The following USP6 variants were observed in gnomAD, a reference collection of about 807,000 sequenced individuals.
The protein encoded by USP6 is ubiquitin carboxyl-terminal hydrolase 6.
A neutral mutation model predicts 175.7 loss-of-function variants in USP6; 128 were observed. The observed-to-expected ratio is 0.73, with a 90% CI of 0.63 to 0.84. The LOEUF is 0.84. Among genes scored for constraint, USP6 ranks in the 40% least tolerant of loss-of-function variants. The pLI is 0.00. For missense variants in USP6, 1,498 were observed against 1,760.3 expected (o/e 0.85, Z 2.67); for synonymous variants, 562 against 630.6 (o/e 0.89, Z 1.63).
At chr17:5,133,151 G>A (rs543805873) in intron 13 of USP6, among the ~76,000 whole-genome samples, 161 bp downstream of exon 13, 3 of 152,264 alleles carry the variant, frequency 2.0e-5, no homozygotes, top group South Asian at 2.1e-4. Flanking sequence ...CTGCCTATTC[G>A]TGCAAGTGTC....
rs1471977483 is a variant in USP6 at position 5,168,138 on chromosome 17, T to C, written c.3228+15T>C. 1 of 1,576,340 alleles carries C rather than the reference T, an allele frequency of 6.3e-7. No homozygotes were observed. The highest frequency in any genetic ancestry group is 2.3e-5 in the East Asian group (1 of 44,228). ...CACCCTTCCTGGTATGTTACGGTCC[T>C]GCCTCTGAGAGAGCAGGAATCTAGC... On this transcript the variant is annotated intron_variant, in intron 34 of 37. Coordinates refer to ENST00000574788, the MANE Select transcript of USP6 (RefSeq NM_001304284.2).
intron 35 of USP6, among the ~76,000 whole-genome samples, chr17:5,169,585 G>C (rs2074169174): frequency 6.6e-6 from 1 of 152,072 alleles, no homozygotes; most frequent in African/African-American, 2.4e-5. Context: ...GGGACTACAG[G>C]CATGCACCAC....
Position 5,170,616 on chromosome 17 carries a change from T to C in USP6, c.3655T>C (p.Ser1219Pro), listed in dbSNP as rs1192320274. 6.2e-7 allele frequency: 1 copy of C among 1,613,488 alleles called. No homozygotes were observed. Among genetic ancestry groups the C allele is most frequent in the East Asian group, 2.2e-5 (1 of 44,886 alleles). ...LPQIGSKNKP[S>P]SSKKNLDASK... The stretch of plus-strand genomic sequence containing the variant: ...CCAGATTGGCAGCAAAAATAAGCCG[T>C]CAAGTAGTAAGAAGAACTTGGATGC... The change falls in exon 36 of 38, where the codon TCA becomes CCA. Residue 1219 changes from serine to proline, a missense_variant. Ser to Pro is a moderately conservative substitution (Grantham distance 74). Coordinates refer to ENST00000574788, the MANE Select transcript of USP6 (RefSeq NM_001304284.2).
chr17:5,136,686 A>G lies in USP6; in HGVS notation c.711A>G (p.Gln237=), dbSNP rs1345338631. The change falls in exon 18 of 38, where the codon CAA becomes CAG. Residue 237 remains glutamine, a synonymous_variant. Coordinates refer to ENST00000574788, the MANE Select transcript of USP6 (RefSeq NM_001304284.2). ...GGACAGTCCAGGGGCTCCAAGACCA[A>G]CAGGAGCATGTGGTACCCAAGTCAC... The part of the protein sequence containing the change: ...NGGTVQGLQD[Q]QEHVVPKSQP... 6.2e-7 allele frequency: 1 copy of G among 1,612,068 alleles called. No individual in the cohort carries two copies. Among genetic ancestry groups the G allele is most frequent in the Non-Finnish European group, 8.5e-7 (1 of 1,179,766 alleles).
At position 5,132,805 on chromosome 17, in the gene USP6, T is replaced by G; in HGVS notation, c.196-105T>G. On this transcript the variant is annotated intron_variant, in intron 12 of 37. Coordinates refer to ENST00000574788, the MANE Select transcript of USP6 (RefSeq NM_001304284.2). This position sits in a 1 kb window ranked among gnomAD's most constrained non-coding sequence, Gnocchi z 4.7. ...TTAGGGTCTGCCCTTCCCTGGCTCC[T>G]TCCAGTTGGGTCCCACCAGGGCTCC... The G allele has an allele frequency of 7.2e-7, 1 of 1,386,404 alleles. No homozygotes were observed. 85.9% of individuals were successfully genotyped at this position (1,386,404 alleles called of 1,614,324 possible). A position where few individuals can be genotyped will look rare whatever the true frequency, so the allele number is the denominator to read the frequency against.
chr17:5,158,580 G>GGAGAGAGA (rs772325537), intron 31 of USP6, among the ~76,000 whole-genome samples: 1 of 104,168 alleles, frequency 9.6e-6, no homozygotes, highest in Non-Finnish European at 1.8e-5. Context: ...AGAGAGAGAG[G>GGAGAGAGA]GAGAGAGAGA....
At chr17:5,162,303 C>G (rs1306396225) in intron 32 of USP6, among the ~76,000 whole-genome samples, 2 of 152,016 alleles carry the variant, frequency 1.3e-5, no homozygotes, top group African/African-American at 4.8e-5. Flanking sequence ...AGTTGCACAC[C>G]ACTGTACCCA....
At position 5,132,990 on chromosome 17, in the gene USP6, A is replaced by G. The variant is rs7207898; in HGVS notation, c.276A>G (p.Lys92=). ...GGGAGACATATAAGCACAGTAGCAA[A>G]GTAATGTGTGGAGGGAGAGGCCCCT... ...GEWETYKHSS[K]LIDRVYKGIP... is the part of the protein sequence containing the mutation. Residue 92 remains lysine (K), a splice_region_variant and synonymous_variant, in exon 13 of 38, where the codon AAA becomes AAG. Transcript: ENST00000574788. This position sits in a 1 kb window ranked among gnomAD's most constrained non-coding sequence, Gnocchi z 4.7. 2.8e-3 allele frequency: 4,575 copies of G among 1,614,058 alleles called. 87 individuals are homozygous for G. In the African/African-American group the frequency reaches 0.045, roughly 16 times the overall value.
rs1263035110 is a variant in USP6, at chr17:5,132,222, C to A, written c.156-174C>A. 1 of 1,570,670 alleles carries A rather than the reference C, an allele frequency of 6.4e-7. No homozygotes were observed. Among genetic ancestry groups the A allele is most frequent in the Non-Finnish European group, 8.6e-7 (1 of 1,157,128 alleles). On this transcript the variant is annotated intron_variant, in intron 11 of 37. Transcript: ENST00000574788. The surrounding 1 kb of genome is among the most constrained non-coding windows in gnomAD (Gnocchi z 4.7). ...CTCCTTCTTCTCCCAGGTCCTGCCC[C>A]TCCTGGGAGTCAGAGCCACAGGAAG...
intron 30 of USP6, among the ~76,000 whole-genome samples, chr17:5,153,616 T>G (rs2073820584): frequency 6.6e-6 from 1 of 151,920 alleles, no homozygotes; most frequent in Admixed American, 6.6e-5. Flanking sequence ...CTGATTTTTA[T>G]TTTTCTCTGA....
At chr17:5,165,763 T>G (rs1252404394) in intron 33 of USP6, among the ~76,000 whole-genome samples, 1 of 152,214 alleles carries the variant, frequency 6.6e-6, no homozygotes, top group Non-Finnish European at 1.5e-5. Flanking sequence ...ATTTATAGAC[T>G]ATTTAAACAG....
intron 34 of USP6, 81 bp from the exon 35 acceptor site, chr17:5,168,686 T>C (rs1276141570): frequency 2.1e-6 from 3 of 1,456,096 alleles, no homozygotes; most frequent in East Asian, 2.3e-5. Context: ...AACATTCACA[T>C]GTATTTGACT....
At chr17:5,141,138 A>G (rs2073433509) in intron 22 of USP6, among the ~76,000 whole-genome samples, 1 of 152,202 alleles carries the variant, frequency 6.6e-6, no homozygotes, top group Non-Finnish European at 1.5e-5. Flanking sequence ...AGTGTTCAAT[A>G]CAGTAACATA....
At chr17:5,146,439 C>G (rs1318695831) in intron 28 of USP6, among the ~76,000 whole-genome samples, 1 of 152,140 alleles carries the variant, frequency 6.6e-6, no homozygotes, top group Non-Finnish European at 1.5e-5. Flanking sequence ...AGCTGTGTCA[C>G]TATAGTATAG....
chr17:5,117,272 C>A (rs1470693857), intron 1 of USP6, among the ~76,000 whole-genome samples: 2 of 152,182 alleles, frequency 1.3e-5, no homozygotes, highest in Non-Finnish European at 1.5e-5. Flanking sequence ...AATCCCAGCA[C>A]TTTGGGAGGC....
At position 5,132,302 on chromosome 17, in the gene USP6, G is replaced by C. The variant is rs1232883915; in HGVS notation, c.156-94G>C. The C allele has an allele frequency of 6.2e-7, 1 of 1,610,782 alleles. No individual in the cohort carries two copies. The highest frequency in any genetic ancestry group is 8.5e-7 in the Non-Finnish European group (1 of 1,179,064). ...CCCGGGCTGAGCCCTGAGCTGGATA[G>C]GGACAGAGCCAGTCCTTTCTGGGGG... is the stretch of plus-strand genomic sequence containing the variant. On this transcript the variant is annotated intron_variant, in intron 11 of 37. Transcript: ENST00000574788. The surrounding 1 kb of genome is among the most constrained non-coding windows in gnomAD (Gnocchi z 4.7).
intron 29 of USP6, among the ~76,000 whole-genome samples, chr17:5,147,997 C>T (rs2073659092): frequency 6.6e-6 from 1 of 152,218 alleles, no homozygotes. Context: ...CCTCCCACCT[C>T]AGCCTCCCAA....
chr17:5,128,728 C>T (rs1597982289), intron 7 of USP6: 3 of 152,786 alleles, frequency 2.0e-5, no homozygotes, highest in Admixed American at 2.0e-4. Context: ...GCCCTGCTGA[C>T]CCAGGCAAGG....
At chr17:5,150,729 G>A (rs1236220466) in intron 30 of USP6, among the ~76,000 whole-genome samples, 3 of 151,984 alleles carry the variant, frequency 2.0e-5, no homozygotes, top group African/African-American at 4.8e-5. Flanking sequence ...TCCTGACCTC[G>A]TGATCTGCCT....
Sources: gnomAD v4.1 joint callset for allele counts (sites outside exome capture counted in the v4.1 genomes callset) on GRCh38, gnomAD v4.1.1 for gene constraint, Gnocchi (gnomAD v3.1) non-coding constraint, MANE v1.5 for transcripts, NCBI Gene and HGNC (gene_info 2026-07-23, HGNC 2026-07-21) for gene names.